Variants in SUMF2 observed in about 807,000 individuals in gnomAD.
SUMF2 encodes inactive C-alpha-formylglycine-generating enzyme 2.
Under a neutral mutation model 44.8 loss-of-function variants are expected in SUMF2, and 45 were observed. The observed-to-expected ratio is 1.00, with a 90% CI of 0.79 to 1.29. The LOEUF is 1.29. Ranked by LOEUF, SUMF2 falls within the 50% of genes most tolerant of loss-of-function variation. The pLI is 0.00. For missense variants in SUMF2, 418 were observed against 389.9 expected (o/e 1.07, Z -0.61); for synonymous variants, 148 against 150.4 (o/e 0.98, Z 0.12).
downstream of SUMF2, among the ~76,000 whole-genome samples, chr7:56,084,745 C>T (rs1796183565): frequency 6.6e-6 from 1 of 151,686 alleles, no homozygotes; most frequent in Non-Finnish European, 1.5e-5. Flanking sequence ...GCAAAGTTTG[C>T]CAATTACAGG....
At chr7:56,064,495 G>GCT in intron 1 of SUMF2, 117 bp downstream of exon 1, 1 of 1,412,750 alleles carries the variant, frequency 7.1e-7, no homozygotes, top group Non-Finnish European at 9.4e-7. Flanking sequence ...GCAGCGGCAG[G>GCT]CTGGGGAGGT....
At chr7:56,067,064 A>G (rs1045023152) in intron 1 of SUMF2, among the ~76,000 whole-genome samples, 4 of 152,216 alleles carry the variant, frequency 2.6e-5, no homozygotes, top group African/African-American at 4.8e-5. Flanking sequence ...TCTGGCTCAT[A>G]TAATGGTGAG....
the SUMF2 span, chr7:56,087,156 C>A: frequency 2.9e-6 from 2 of 700,106 alleles, no homozygotes; most frequent in Non-Finnish European, 5.3e-6. Context: ...GGAGGGTGCT[C>A]AAAGACGTCA....
Position 56,074,718 on chromosome 7 carries a change from G to A in SUMF2, c.517G>A (p.Ala173Thr), listed in dbSNP as rs763375716. The A allele has an allele frequency of 2.5e-6, 4 of 1,614,012 alleles. No individual in the cohort carries two copies. Among genetic ancestry groups the A allele is most frequent in the African/African-American group, 1.3e-5 (1 of 74,922 alleles). The part of the protein sequence containing the change: ...LPTEEEWEFA[A>T]RGGLKGQVYP... ...CACGGAGGAAGAGTGGGAGTTTGCC[G>A]CCCGAGGGGGCTTGAAGGGTATCCA... The change falls in exon 5 of 9, where the codon GCC (alanine) becomes ACC (threonine). Residue 173 changes from alanine to threonine, a missense_variant. Ala to Thr is a moderately conservative substitution (Grantham distance 58). Coordinates refer to ENST00000434526, the MANE Select transcript of SUMF2 (RefSeq NM_015411.4).
rs756878942 is a variant in SUMF2, at chr7:56,078,369, T to C, written c.682T>C (p.Tyr228His). 2 of 1,604,906 alleles carry C rather than the reference T, an allele frequency of 1.2e-6. No individual in the cohort carries two copies. Among genetic ancestry groups the C allele is most frequent in the Non-Finnish European group, 1.7e-6 (2 of 1,174,538 alleles). The change falls in exon 8 of 9, where the codon TAT becomes CAT. Residue 228 changes from tyrosine (Y) to histidine (H), a missense_variant. Coordinates refer to ENST00000434526, the MANE Select transcript of SUMF2 (RefSeq NM_015411.4). ...AFPAQNNYGL[Y>H]DLLGNVWEWT... Reference sequence around the variant, plus strand: ...ACCCGCCGGTGGGGCTGCAGGGCTCTATGACCTCCTGGGGAACGTGTGGGA... The same window carrying C: ...ACCCGCCGGTGGGGCTGCAGGGCTCCATGACCTCCTGGGGAACGTGTGGGA...
the SUMF2 span, chr7:56,087,460 G>A: frequency 6.7e-6 from 5 of 746,972 alleles, no homozygotes; most frequent in Admixed American, 4.9e-5. Flanking sequence ...TTCTATCAGA[G>A]CAGTGAGGGT....
chr7:56,075,809 C>T (rs138469434), intron 5 of SUMF2, among the ~76,000 whole-genome samples: 144 of 152,170 alleles, frequency 9.5e-4, no homozygotes, highest in African/African-American at 3.3e-3. Flanking sequence ...CACATTAAAC[C>T]CCTCTACACA....
At chr7:56,064,973 A>G (rs1302001352) in intron 1 of SUMF2, among the ~76,000 whole-genome samples, 4 of 148,978 alleles carry the variant, frequency 2.7e-5, no homozygotes, top group South Asian at 2.1e-4. Context: ...CGGGCGGATC[A>G]CGAGGTCAGG....
downstream of SUMF2, chr7:56,084,317 T>C: frequency 1.2e-6 from 1 of 850,602 alleles, no homozygotes; most frequent in Non-Finnish European, 1.9e-6. Flanking sequence ...GAGGGGACTA[T>C]GAACCACTGG....
At chr7:56,081,888 C>T (rs781191589), downstream of SUMF2, 3 of 1,613,176 alleles carry the variant, frequency 1.9e-6, no homozygotes, top group African/African-American at 4.0e-5. This position sits in a 1 kb window ranked among gnomAD's most constrained non-coding sequence, Gnocchi z 4.6. Flanking sequence ...GGCCTGGCCT[C>T]TCACCAGGTC....
chr7:56,085,974 CA>C, the SUMF2 span, among the ~76,000 whole-genome samples: 63,400 of 133,168 alleles, frequency 0.48, 14,357 homozygotes, highest in East Asian at 0.67. Context: ...AACTCTGTCT[CA>C]AAAAAAAAAA....
chr7:56,081,774 G>A, downstream of SUMF2: 1 of 1,610,386 alleles, frequency 6.2e-7, no homozygotes, highest in Non-Finnish European at 8.5e-7. The surrounding 1 kb of genome is among the most constrained non-coding windows in gnomAD (Gnocchi z 4.6). Context: ...GGAGGAGAGG[G>A]GAACCGAGAA....
chr7:56,081,232 G>A (rs1317892595), downstream of SUMF2: 2 of 1,613,524 alleles, frequency 1.2e-6, no homozygotes, highest in Non-Finnish European at 1.7e-6. This position sits in a 1 kb window ranked among gnomAD's most constrained non-coding sequence, Gnocchi z 4.6. Flanking sequence ...GATCTCCCGG[G>A]TCACAGGCTT....
downstream of SUMF2, chr7:56,083,698 A>C: frequency 6.3e-7 from 1 of 1,581,862 alleles, no homozygotes. Context: ...GTAGTCAAAG[A>C]GCTCCCCTCT....
downstream of SUMF2, chr7:56,082,109 A>G (rs1187661754): frequency 2.5e-6 from 4 of 1,610,950 alleles, no homozygotes; most frequent in African/African-American, 5.3e-5. Context: ...AGCCCTGCCT[A>G]CTTCCTCCCT....
intron 1 of SUMF2, among the ~76,000 whole-genome samples, chr7:56,066,285 C>T (rs1413405206): frequency 1.3e-5 from 2 of 152,050 alleles, no homozygotes; most frequent in Non-Finnish European, 2.9e-5. Context: ...TGAAGTGGTG[C>T]ATCAGCTGAA....
chr7:56,075,736 C>T (rs1006055001), intron 5 of SUMF2, among the ~76,000 whole-genome samples: 10 of 151,892 alleles, frequency 6.6e-5, no homozygotes, highest in African/African-American at 1.7e-4. Context: ...GCTCCTAACT[C>T]GGTCATTTGT....
At chr7:56,087,502 A>T in the SUMF2 span, 1 of 1,215,476 alleles carries the variant, frequency 8.2e-7, no homozygotes, top group Non-Finnish European at 1.2e-6. Context: ...GGGTGGTTCT[A>T]GTTGGCTGTG....
Position 56,079,618 on chromosome 7 carries a change from C to T in SUMF2, c.*6C>T, listed in dbSNP as rs757272517. ...GGCCGCCAGGGGAGCTGTAAGCAGC[C>T]GGGTGGTGACAAGGAGAAAAGCCTT... On this transcript the variant is annotated 3_prime_UTR_variant, in exon 9 of 9. Transcript: ENST00000434526. The T allele has an allele frequency of 2.3e-5, 37 of 1,614,096 alleles. No individual in the cohort carries two copies. The highest frequency in any genetic ancestry group is 3.3e-5 in the Admixed American group (2 of 60,006).
Sources: allele counts gnomAD v4.1 joint callset (sites outside exome capture counted in the v4.1 genomes callset), GRCh38; gene constraint gnomAD v4.1.1; non-coding constraint Gnocchi (gnomAD v3.1); transcripts MANE v1.5; gene names NCBI Gene and HGNC (gene_info 2026-07-23, HGNC 2026-07-21).